Variants in PIWIL1 observed in about 807,000 individuals in gnomAD.
The protein encoded by PIWIL1 is piwi like RNA-mediated gene silencing 1.
Under a neutral mutation model 114.4 loss-of-function variants are expected in PIWIL1, and 73 were observed. The observed-to-expected ratio is 0.64, with a 90% CI of 0.53 to 0.78. The LOEUF (loss-of-function observed/expected upper bound fraction) is 0.78, where lower values mean the gene tolerates loss of function less well. Among genes scored for constraint, PIWIL1 ranks in the 30% least tolerant of loss-of-function variants. The pLI is 0.00. For synonymous variants in PIWIL1, 375 were observed against 369.0 expected (o/e 1.02, Z -0.19); for missense variants, 723 against 1,063.1 (o/e 0.68, Z 4.45).
intron 19 of PIWIL1, among the ~76,000 whole-genome samples, chr12:130,367,936 T>TA (rs1459431160): frequency 2.0e-5 from 3 of 152,186 alleles, no homozygotes; most frequent in Non-Finnish European, 4.4e-5. Context: ...TAGCCGGAAT[T>TA]ACAGGCATGC....
intron 1 of PIWIL1, among the ~76,000 whole-genome samples, chr12:130,339,971 A>G (rs954885824): frequency 2.0e-5 from 3 of 152,182 alleles, no homozygotes; most frequent in African/African-American, 7.2e-5. Context: ...GTTGTTTGTA[A>G]GGTGTCAAGC....
At chr12:130,347,627 A>G (rs2073103842) in intron 6 of PIWIL1, among the ~76,000 whole-genome samples, 1 of 152,212 alleles carries the variant, frequency 6.6e-6, no homozygotes, top group South Asian at 2.1e-4. Flanking sequence ...CACTGATGAT[A>G]GGACAATTCA....
At chr12:130,366,491 G>T (rs1478087039) in intron 18 of PIWIL1, 1 of 152,428 alleles carries the variant, frequency 6.6e-6, no homozygotes, top group Admixed American at 6.5e-5. Flanking sequence ...AAGAATCCAG[G>T]TGGGGATGGG....
At chr12:130,417,186 A>G in the PIWIL1 span, among the ~76,000 whole-genome samples, 1 of 152,146 alleles carries the variant, frequency 6.6e-6, no homozygotes, top group Non-Finnish European at 1.5e-5. Flanking sequence ...CAGTTTGGAG[A>G]TTTCTTGGAG....
chr12:130,367,345 C>T (rs1170145456), intron 19 of PIWIL1, 87 bp downstream of exon 19: 3 of 1,215,858 alleles, frequency 2.5e-6, no homozygotes, highest in Admixed American at 2.7e-5. Context: ...AATTTTAATA[C>T]ATTTTACTTT....
the PIWIL1 span, chr12:130,424,182 G>A: frequency 4.1e-6 from 5 of 1,232,182 alleles, no homozygotes; most frequent in South Asian, 4.1e-5. This position sits in a 1 kb window ranked among gnomAD's most constrained non-coding sequence, Gnocchi z 9.8. Flanking sequence ...CTTTGCGTGG[G>A]GGGCAGCTGC....
Position 130,350,120 on chromosome 12 carries a change from A to ATTAT in PIWIL1, c.1044+155_1044+158dup, listed in dbSNP as rs367813325. 2.4e-3 allele frequency among the ~76,000 whole-genome samples: 369 copies of ATTAT among 152,350 alleles called. 6 individuals carry two copies. Among genetic ancestry groups the ATTAT allele is most frequent in the South Asian group, 0.019 (91 of 4,830 alleles). ...ACAGCATAATTTTATTCATTACCAA[A>ATTAT]TTATTAAAATGCCTCTTTTTATTTG... is the stretch of plus-strand genomic sequence containing the variant. On this transcript the variant is annotated intron_variant, in intron 9 of 20. Transcript: ENST00000245255.
Position 130,371,313 on chromosome 12 carries a change from A to G in PIWIL1, c.2459A>G (p.Tyr820Cys), listed in dbSNP as rs374930923. The G allele has an allele frequency of 1.2e-5, 20 of 1,614,218 alleles. No individual in the cohort carries two copies. The highest frequency in any genetic ancestry group is 1.5e-5 in the Non-Finnish European group (18 of 1,180,038). ...ACCTACAAGCTGTGCCACATCTATTACAACTGGCCAGTAAGTGCTTCTACT... is the reference window on the plus strand; with the variant it reads ...ACCTACAAGCTGTGCCACATCTATTGCAACTGGCCAGTAAGTGCTTCTACT... ...RLTYKLCHIY[Y>C]NWPGVIRVPA... The change falls in exon 20 of 21, where the codon TAC becomes TGC. Residue 820 changes from tyrosine (Y) to cysteine (C), a missense_variant. This residue lies in a region of PIWIL1 where 106 missense variants were observed against 182.8 expected (regional missense o/e 0.58). Coordinates refer to ENST00000245255, the MANE Select transcript of PIWIL1 (RefSeq NM_004764.5).
chr12:130,404,611 T>C, the PIWIL1 span, among the ~76,000 whole-genome samples: 1 of 152,202 alleles, frequency 6.6e-6, no homozygotes, highest in Admixed American at 6.5e-5. Context: ...AAGAGTAAAC[T>C]TAAGATATAT....
At chr12:130,389,894 T>G in the PIWIL1 span, among the ~76,000 whole-genome samples, 2 of 152,242 alleles carry the variant, frequency 1.3e-5, no homozygotes, top group Non-Finnish European at 2.9e-5. Flanking sequence ...GCTTTCATTG[T>G]AATCCAGCTC....
chr12:130,355,226 C>A (rs780388921), intron 11 of PIWIL1, among the ~76,000 whole-genome samples: 1 of 152,188 alleles, frequency 6.6e-6, no homozygotes, highest in Non-Finnish European at 1.5e-5. Context: ...CGTAGTCTTT[C>A]TAACTCTTCC....
At chr12:130,390,907 G>A in the PIWIL1 span, among the ~76,000 whole-genome samples, 28 of 152,174 alleles carry the variant, frequency 1.8e-4, no homozygotes, top group Non-Finnish European at 5.9e-5. Context: ...CAGGACCGGT[G>A]CCTGCACAAC....
At chr12:130,392,201 A>G in the PIWIL1 span, among the ~76,000 whole-genome samples, 218 of 17,826 alleles carry the variant, frequency 0.012, 2 homozygotes, top group Middle Eastern at 0.14. Flanking sequence ...CATCACGTGG[A>G]TGCATCAGTT....
chr12:130,415,249 AT>A, the PIWIL1 span, among the ~76,000 whole-genome samples: 1 of 152,250 alleles, frequency 6.6e-6, no homozygotes. Context: ...GGTTCAACAT[AT>A]GCAAATCAAT....
the PIWIL1 span, among the ~76,000 whole-genome samples, chr12:130,421,703 G>GTGTGTGTGTA: frequency 6.6e-6 from 1 of 151,126 alleles, no homozygotes; most frequent in Non-Finnish European, 1.5e-5. Context: ...GTGTGTGTGT[G>GTGTGTGTGTA]TGTGTGTGTG....
At chr12:130,414,440 T>C in the PIWIL1 span, 6 of 796,746 alleles carry the variant, frequency 7.5e-6, no homozygotes, top group African/African-American at 1.0e-4. Context: ...TCTTAACATG[T>C]AGGTGGAAAT....
In PIWIL1 at chr12:130,345,735, A is replaced by G. The variant is rs1411108242; in HGVS notation, c.191-18A>G. 6 of 1,613,342 alleles carry G rather than the reference A, an allele frequency of 3.7e-6. No homozygotes were observed. The East Asian group carries it at 1.1e-4, about 30-fold the overall frequency. ...ATTTCGTGCTTTATGTTGCTCAAGT[A>G]CACAATTTTTTTTTAAGGACTCCAG... is the stretch of plus-strand genomic sequence containing the variant. On this transcript the variant is annotated intron_variant, in intron 3 of 20. Transcript: ENST00000245255.
the PIWIL1 span, among the ~76,000 whole-genome samples, chr12:130,384,505 T>C: frequency 6.6e-6 from 1 of 152,150 alleles, no homozygotes; most frequent in South Asian, 2.1e-4. Context: ...TGGTACAAAA[T>C]GATGTTCACC....
the PIWIL1 span, chr12:130,407,703 G>T: frequency 1.3e-6 from 2 of 1,580,012 alleles, no homozygotes; most frequent in Non-Finnish European, 1.7e-6. Flanking sequence ...TGTCCGTCAT[G>T]AAGTGCAGTG....
Sources: gnomAD v4.1 joint callset for allele counts (sites outside exome capture counted in the v4.1 genomes callset) on GRCh38, gnomAD v4.1.1 for gene constraint, gnomAD v4.1.1 regional missense constraint, Gnocchi (gnomAD v3.1) non-coding constraint, MANE v1.5 for transcripts, NCBI Gene and HGNC (gene_info 2026-07-23, HGNC 2026-07-21) for gene names.